The following KCNN2 variants were observed in gnomAD, a reference collection of about 807,000 sequenced individuals.
KCNN2 encodes the protein small conductance calcium-activated potassium channel protein 2.
A neutral mutation model predicts 55.5 loss-of-function variants in KCNN2; 24 were observed. The ratio of observed to expected loss-of-function variants is 0.43; its 90% CI spans 0.31 to 0.61. The LOEUF (loss-of-function observed/expected upper bound fraction) is 0.61, where lower values mean the gene tolerates loss of function less well. KCNN2 is among the 20% of genes least tolerant of loss of function. The pLI, the probability that KCNN2 is intolerant of heterozygous loss-of-function variation, is 0.08. For synonymous variants in KCNN2, 431 were observed against 336.1 expected, an observed-to-expected ratio of 1.28 and a Z score of -3.09; for missense variants, 754 against 853.6, an observed-to-expected ratio of 0.88 and a Z score of 1.45.
chr5:114,229,243 C>A (rs1253846839), intron 2 of KCNN2, among the ~76,000 whole-genome samples: 1 of 151,590 alleles, frequency 6.6e-6, no homozygotes, highest in Non-Finnish European at 1.5e-5. Context: ...GTGTCTATCT[C>A]CTGAATTACT....
At chr5:114,300,346 A>C (rs1342263650) in intron 2 of KCNN2, among the ~76,000 whole-genome samples, 2 of 152,198 alleles carry the variant, frequency 1.3e-5, no homozygotes, top group Non-Finnish European at 1.5e-5. Flanking sequence ...CTTTCCAGGG[A>C]CAACAGTCTC....
chr5:114,163,771 A>G (rs1019269491), intron 1 of KCNN2, among the ~76,000 whole-genome samples: 1 of 152,210 alleles, frequency 6.6e-6, no homozygotes, highest in Non-Finnish European at 1.5e-5. Flanking sequence ...GACAACCCAT[A>G]TGAAGGTCAA....
intron 7 of KCNN2, among the ~76,000 whole-genome samples, chr5:114,494,215 C>T (rs913888005): frequency 8.6e-5 from 13 of 150,656 alleles, no homozygotes; most frequent in African/African-American, 3.2e-4. Flanking sequence ...GCCTTTTACC[C>T]AAATGCTTTG....
intron 1 of KCNN2, among the ~76,000 whole-genome samples, chr5:114,105,993 T>G (rs1196024931): frequency 2.0e-5 from 3 of 151,976 alleles, no homozygotes; most frequent in East Asian, 1.9e-4. Context: ...TCACCTTATG[T>G]TTTTCTTTTG....
intron 2 of KCNN2, among the ~76,000 whole-genome samples, chr5:114,227,861 A>C (rs969201162): frequency 6.6e-5 from 10 of 152,174 alleles, no homozygotes; most frequent in Non-Finnish European, 1.5e-4. Flanking sequence ...CATGAAGAGT[A>C]TATATGAGTG....
At chr5:114,444,445 G>A (rs1729537443) in intron 3 of KCNN2, among the ~76,000 whole-genome samples, 1 of 152,056 alleles carries the variant, frequency 6.6e-6, no homozygotes, top group Non-Finnish European at 1.5e-5. Context: ...AGCAATATAT[G>A]CCCCATGAAT....
chr5:114,378,859 G>C lies in KCNN2; in HGVS notation c.1218+14858G>C, dbSNP rs1758018533. Among the ~76,000 whole-genome samples the C allele has an allele frequency of 2.0e-5, 3 of 152,250 alleles. No homozygotes were observed. In the South Asian group the frequency reaches 6.2e-4, roughly 32 times the overall value. ...TGAAGAAAGTATTTTATAGCTGACT[G>C]TTCTCTAACTCTGTATTTTGCCCTA... On this transcript the variant is annotated intron_variant, in intron 2 of 7. Transcript: ENST00000673685.
intron 1 of KCNN2, among the ~76,000 whole-genome samples, chr5:114,168,904 T>C (rs1011687508): frequency 6.6e-6 from 1 of 152,120 alleles, no homozygotes; most frequent in African/African-American, 2.4e-5. Flanking sequence ...CCAAATCTCA[T>C]GTTGAATTGT....
At chr5:114,313,404 A>G (rs569320461) in intron 2 of KCNN2, among the ~76,000 whole-genome samples, 4 of 152,308 alleles carry the variant, frequency 2.6e-5, no homozygotes, top group Non-Finnish European at 5.9e-5. Flanking sequence ...GTATGTATAT[A>G]GCTACAGAAA....
chr5:114,382,746 AATGG>A (rs2150058145), intron 2 of KCNN2, among the ~76,000 whole-genome samples: 1 of 152,296 alleles, frequency 6.6e-6, no homozygotes, highest in East Asian at 1.9e-4. Flanking sequence ...CCAAAAAACA[AATGG>A]ATGGATGGCG....
At chr5:114,396,864 C>T (rs886231902) in intron 2 of KCNN2, among the ~76,000 whole-genome samples, 5 of 152,128 alleles carry the variant, frequency 3.3e-5, no homozygotes, top group African/African-American at 1.2e-4. Flanking sequence ...TTTTGATCTT[C>T]ACCTTCCTCC....
chr5:114,305,436 C>T, intron 2 of KCNN2, among the ~76,000 whole-genome samples: 1 of 152,088 alleles, frequency 6.6e-6, no homozygotes, highest in African/African-American at 2.4e-5. Flanking sequence ...TGTATGTTAT[C>T]TCTGTGTTGG....
At chr5:114,412,215 T>C (rs1246612096) in intron 3 of KCNN2, among the ~76,000 whole-genome samples, 1 of 152,222 alleles carries the variant, frequency 6.6e-6, no homozygotes, top group Non-Finnish European at 1.5e-5. Context: ...GCATTGAATA[T>C]AATCTTGTAC....
chr5:114,274,608 G>T (rs1318737220), intron 2 of KCNN2, among the ~76,000 whole-genome samples: 1 of 152,102 alleles, frequency 6.6e-6, no homozygotes, highest in Non-Finnish European at 1.5e-5. Flanking sequence ...TTGTGAATGG[G>T]AGTTCACTCC....
At chr5:114,458,362 C>T (rs185638577) in intron 3 of KCNN2, among the ~76,000 whole-genome samples, 22 of 152,202 alleles carry the variant, frequency 1.4e-4, no homozygotes, top group Admixed American at 4.6e-4. Flanking sequence ...ATAAAAATAC[C>T]TTCTAAGTTG....
intron 5 of KCNN2, among the ~76,000 whole-genome samples, chr5:114,479,027 G>A (rs1762101140): frequency 6.6e-6 from 1 of 152,076 alleles, no homozygotes; most frequent in South Asian, 2.1e-4. Flanking sequence ...CATGATGACA[G>A]GATCAAATTC....
intron 4 of KCNN2, among the ~76,000 whole-genome samples, chr5:114,466,310 T>C (rs1341366783): frequency 6.6e-6 from 1 of 152,282 alleles, no homozygotes; most frequent in East Asian, 1.9e-4. Flanking sequence ...GGATGATTTC[T>C]GAGTAGCTTT....
intron 1 of KCNN2, among the ~76,000 whole-genome samples, chr5:114,363,642 C>G (rs181164709): frequency 9.9e-5 from 15 of 152,202 alleles, no homozygotes; most frequent in African/African-American, 3.6e-4. Context: ...CCTGGAACAG[C>G]GGCGCTCGCT....
chr5:114,338,623 AG>A (rs1298654020), intron 2 of KCNN2, among the ~76,000 whole-genome samples: 1 of 152,190 alleles, frequency 6.6e-6, no homozygotes, highest in African/African-American at 2.4e-5. Flanking sequence ...CCATATGGGG[AG>A]GTTAGATACC....
Sources: gnomAD v4.1 joint callset for allele counts (sites outside exome capture counted in the v4.1 genomes callset) on GRCh38, gnomAD v4.1.1 for gene constraint, MANE v1.5 for transcripts, NCBI Gene and HGNC (gene_info 2026-07-23, HGNC 2026-07-21) for gene names.